MAPK4: variants seen among roughly 807,000 people sequenced by gnomAD.
The protein encoded by MAPK4 is Erk3-related.
Under a neutral mutation model 47.7 loss-of-function variants are expected in MAPK4, and 22 were observed. The observed-to-expected ratio is 0.46, with a 90% confidence interval of 0.33 to 0.66. The LOEUF (loss-of-function observed/expected upper bound fraction) is 0.66, where lower values mean the gene tolerates loss of function less well. Ranked by LOEUF, MAPK4 falls within the 30% of genes least tolerant of loss-of-function variation. The pLI, the probability that MAPK4 is intolerant of heterozygous loss-of-function variation, is 0.02. For missense variants in MAPK4, 736 were observed against 831.7 expected (o/e 0.88, Z 1.42); for synonymous variants, 390 against 365.7 (o/e 1.07, Z -0.76).
At chr18:50,721,798 AGACC>A in intron 3 of MAPK4, 136 bp from the exon 4 acceptor site, 1 of 720,066 alleles carries the variant, frequency 1.4e-6, no homozygotes, top group Non-Finnish European at 2.2e-6. Context: ...CAGCAAATGA[AGACC>A]AGAACCCCGG....
intron 2 of MAPK4, among the ~76,000 whole-genome samples, chr18:50,687,255 G>A (rs1363914216): frequency 6.6e-6 from 1 of 151,906 alleles, no homozygotes; most frequent in Non-Finnish European, 1.5e-5. Context: ...GAACTCCTGG[G>A]CTCAAGTGAT....
chr18:50,695,811 G>A (rs1178028434), intron 2 of MAPK4, among the ~76,000 whole-genome samples: 1 of 152,228 alleles, frequency 6.6e-6, no homozygotes. Context: ...GATTGCGAAA[G>A]GGAGGGCAGA....
chr18:50,641,444 A>G (rs962953108), intron 1 of MAPK4, among the ~76,000 whole-genome samples: 5 of 152,206 alleles, frequency 3.3e-5, no homozygotes, highest in African/African-American at 9.7e-5. Flanking sequence ...TTATAATCCA[A>G]ATAACACACT....
intron 1 of MAPK4, among the ~76,000 whole-genome samples, chr18:50,656,556 T>C (rs2043111508): frequency 6.6e-6 from 1 of 152,180 alleles, no homozygotes; most frequent in African/African-American, 2.4e-5. Flanking sequence ...TTCTATTCTT[T>C]AGAAATGAGT....
chr18:50,588,306 G>A (rs976110668), intron 1 of MAPK4, among the ~76,000 whole-genome samples: 11 of 152,156 alleles, frequency 7.2e-5, no homozygotes, highest in Non-Finnish European at 1.2e-4. Flanking sequence ...ATGTCTCACA[G>A]CTCTGTGCTT....
chr18:50,618,037 TA>T (rs2042699456), intron 1 of MAPK4, among the ~76,000 whole-genome samples: 1 of 152,236 alleles, frequency 6.6e-6, no homozygotes, highest in Non-Finnish European at 1.5e-5. Flanking sequence ...TCTTTTGCCC[TA>T]AAACTGGTTT....
intron 1 of MAPK4, among the ~76,000 whole-genome samples, chr18:50,565,551 C>A (rs1454522152): frequency 6.6e-6 from 1 of 152,332 alleles, no homozygotes; most frequent in South Asian, 2.1e-4. Context: ...GCAGGAAACA[C>A]TTGCCCCCTC....
In MAPK4 at chr18:50,729,232, A is replaced by G; in HGVS notation, c.1142A>G (p.Asp381Gly). ...CAGGACGCCAGCGAGGTACAGCGCG[A>G]CCCGCGCGCGGGTTCGGCGCCACTG... ...RCQDASEVQRDPRAGSAPLAE... is the reference protein window; with the variant it reads ...RCQDASEVQRGPRAGSAPLAE... Residue 381 changes from aspartate to glycine, a missense_variant, in exon 6 of 6, where the codon GAC (aspartate) becomes GGC (glycine). Around this residue, in one of 3 missense-constraint regions of MAPK4, gnomAD observed 377 missense variants for 378.6 expected, o/e 1.00. Coordinates refer to ENST00000400384, the MANE Select transcript of MAPK4 (RefSeq NM_002747.4). 1 of 1,607,790 alleles carries G rather than the reference A, an allele frequency of 6.2e-7. No homozygotes were observed. The highest frequency in any genetic ancestry group is 8.5e-7 in the Non-Finnish European group (1 of 1,176,072).
At chr18:50,668,309 C>G (rs939137812) in intron 2 of MAPK4, among the ~76,000 whole-genome samples, 1 of 152,226 alleles carries the variant, frequency 6.6e-6, no homozygotes, top group African/African-American at 2.4e-5. Context: ...GTCCTCATGC[C>G]TCCCATCTTT....
chr18:50,609,134 A>T lies in MAPK4; in HGVS notation c.-871+48891A>T, dbSNP rs536512521. 2.0e-5 allele frequency among the ~76,000 whole-genome samples: 3 copies of T among 152,242 alleles called. No individual in the cohort carries two copies. The East Asian group carries it at 5.8e-4, about 29-fold the overall frequency. ...TATGTCTACGTCTTTCTACACAGACAGCAACAATCTGATTTCTCTATCTTT... is the reference window on the plus strand; with the variant it reads ...TATGTCTACGTCTTTCTACACAGACTGCAACAATCTGATTTCTCTATCTTT... On this transcript the variant is annotated intron_variant, in intron 1 of 5. Coordinates refer to ENST00000400384, the MANE Select transcript of MAPK4 (RefSeq NM_002747.4).
At chr18:50,623,298 C>T (rs751342899) in intron 1 of MAPK4, among the ~76,000 whole-genome samples, 8 of 152,150 alleles carry the variant, frequency 5.3e-5, no homozygotes, top group Non-Finnish European at 1.0e-4. Context: ...CAAGCTCCTG[C>T]GAGCCAGCGG....
At chr18:50,634,992 C>A (rs2042870952) in intron 1 of MAPK4, among the ~76,000 whole-genome samples, 2 of 152,198 alleles carry the variant, frequency 1.3e-5, no homozygotes, top group Admixed American at 6.5e-5. Context: ...CTGAGACTCT[C>A]CAGGGGAAGG....
chr18:50,703,901 C>T (rs1273617822), intron 2 of MAPK4, among the ~76,000 whole-genome samples: 3 of 152,168 alleles, frequency 2.0e-5, no homozygotes, highest in Non-Finnish European at 4.4e-5. Flanking sequence ...TAACTAAAAA[C>T]AGCAAGTCTG....
chr18:50,575,868 A>C (rs1598788234), intron 1 of MAPK4, among the ~76,000 whole-genome samples: 1 of 152,070 alleles, frequency 6.6e-6, no homozygotes, highest in Non-Finnish European at 1.5e-5. Context: ...GAAGACATAC[A>C]TGTGGCAAAC....
rs1238503808 is a variant in MAPK4, at chr18:50,730,280, C to G, written c.*426C>G. The G allele has an allele frequency of 6.3e-6, 1 of 157,754 alleles. No individual in the cohort carries two copies. Among genetic ancestry groups the G allele is most frequent in the Non-Finnish European group, 1.4e-5 (1 of 71,348 alleles). 9.8% of individuals were successfully genotyped at this position (157,754 alleles called of 1,614,324 possible). On this transcript the variant is annotated 3_prime_UTR_variant, in exon 6 of 6. Coordinates refer to ENST00000400384, the MANE Select transcript of MAPK4 (RefSeq NM_002747.4). ...AGAGGCAGAGACACTCGCTTAAGAT[C>G]ACAGGCTTAGTGTGAGGACGAGCTT... is the stretch of plus-strand genomic sequence containing the variant.
intron 1 of MAPK4, among the ~76,000 whole-genome samples, chr18:50,570,853 T>C (rs983280387): frequency 6.6e-6 from 1 of 152,250 alleles, no homozygotes; most frequent in Non-Finnish European, 1.5e-5. Context: ...TTGAAAAGGC[T>C]GGACAAAGGG....
chr18:50,660,462 A>C (rs1000491338), intron 1 of MAPK4, among the ~76,000 whole-genome samples: 1 of 152,226 alleles, frequency 6.6e-6, no homozygotes, highest in Non-Finnish European at 1.5e-5. Context: ...TGTAGACATA[A>C]TGAACGGTAC....
At chr18:50,694,973 C>T (rs2144361011) in intron 2 of MAPK4, among the ~76,000 whole-genome samples, 1 of 152,230 alleles carries the variant, frequency 6.6e-6, no homozygotes, top group Admixed American at 6.5e-5. Context: ...ATGGTAAGTG[C>T]CTGATAACTG....
rs118062818 is a variant in MAPK4, at chr18:50,716,304, C to T, written c.691+1081C>T. On this transcript the variant is annotated intron_variant, in intron 3 of 5. Transcript: ENST00000400384. ...CTCATTCTGTAGCAGTAGTCAGCGA[C>T]GACTGTCACCTCCTTCTTGAAACCC... Among the ~76,000 whole-genome samples, 404 of 152,230 alleles carry T rather than the reference C, an allele frequency of 2.7e-3. 12 individuals are homozygous for T. The East Asian group carries it at 0.05, about 19-fold the overall frequency.
Sources: gnomAD v4.1 joint callset for allele counts (sites outside exome capture counted in the v4.1 genomes callset) on GRCh38, gnomAD v4.1.1 for gene constraint, gnomAD v4.1.1 regional missense constraint, MANE v1.5 for transcripts, NCBI Gene and HGNC (gene_info 2026-07-23, HGNC 2026-07-21) for gene names.